The following PIGN variants were observed in gnomAD, a reference collection of about 807,000 sequenced individuals.
PIGN encodes the protein GPI ethanolamine phosphate transferase 1.
In PIGN, 117 loss-of-function variants were observed where a neutral mutation model predicts 125.4. The ratio of observed to expected loss-of-function variants is 0.93; its 90% CI spans 0.80 to 1.09. The LOEUF (loss-of-function observed/expected upper bound fraction) is 1.09, where lower values mean the gene tolerates loss of function less well. Among genes scored for constraint, PIGN ranks in the 50% least tolerant of loss-of-function variants. PIGN has a pLI of 0.00. For missense variants in PIGN, 1,075 were observed against 1,094.9 expected (o/e 0.98, Z 0.26); for synonymous variants, 392 against 377.8 (o/e 1.04, Z -0.44).
intron 11 of PIGN, among the ~76,000 whole-genome samples, chr18:62,141,854 T>C (rs958566905): frequency 1.3e-5 from 2 of 152,194 alleles, no homozygotes; most frequent in Non-Finnish European, 2.9e-5. Flanking sequence ...TATTGCTATA[T>C]AACAGCTTTC....
downstream of PIGN, among the ~76,000 whole-genome samples, chr18:62,039,186 T>A (rs1314598343): frequency 6.6e-6 from 1 of 151,988 alleles, no homozygotes; most frequent in Non-Finnish European, 1.5e-5. Context: ...GTAAAAATTT[T>A]AAAAACATAA....
intron 23 of PIGN, among the ~76,000 whole-genome samples, chr18:62,092,170 A>G (rs1409038612): frequency 6.6e-6 from 1 of 152,190 alleles, no homozygotes; most frequent in Admixed American, 6.5e-5. Flanking sequence ...ACCTACACAC[A>G]TGAGAAAATA....
At chr18:62,084,879 G>A (rs1049056148) in intron 26 of PIGN, among the ~76,000 whole-genome samples, 62 of 152,086 alleles carry the variant, frequency 4.1e-4, no homozygotes, top group African/African-American at 1.4e-3. Context: ...AGGCTGAGGC[G>A]GGTGGATCAC....
At chr18:62,088,537 T>A (rs1319958139) in intron 25 of PIGN, 1 of 273,520 alleles carries the variant, frequency 3.7e-6, no homozygotes, top group African/African-American at 2.2e-5. Flanking sequence ...GGCTAATATC[T>A]GAATAGCAGG....
intron 30 of PIGN, chr18:62,056,948 G>C (rs766258382): frequency 2.6e-5 from 4 of 152,166 alleles, no homozygotes; most frequent in Non-Finnish European, 5.9e-5. Context: ...AAAATATAAC[G>C]AATGCCTGAT....
In PIGN at chr18:62,102,734, C is replaced by A. The variant is rs928178719; in HGVS notation, c.1968+60G>T. 5 of 751,052 alleles carry A rather than the reference C, an allele frequency of 6.7e-6. No homozygotes were observed. The African/African-American group carries it at 9.2e-5, about 14-fold the overall frequency. 46.5% of individuals were successfully genotyped at this position (751,052 alleles called of 1,614,324 possible). A position where few individuals can be genotyped will look rare whatever the true frequency, so the allele number is the denominator to read the frequency against. ...ATTTTATGAACATAATTAAATATAA[C>A]CATAAGACACATTTCAGTATATCAT... is the stretch of plus-strand genomic sequence containing the variant. On this transcript the variant is annotated intron_variant, in intron 21 of 30. Coordinates refer to ENST00000640252, the MANE Select transcript of PIGN (RefSeq NM_176787.5).
At chr18:62,154,493 T>C in intron 7 of PIGN, 52 bp downstream of exon 7, 1 of 846,346 alleles carries the variant, frequency 1.2e-6, no homozygotes, top group Non-Finnish European at 2.0e-6. Flanking sequence ...CAGTCTCCAA[T>C]ACTTCAGGTA....
downstream of PIGN, among the ~76,000 whole-genome samples, chr18:62,037,827 C>T (rs1254401414): frequency 1.3e-5 from 2 of 152,196 alleles, no homozygotes; most frequent in South Asian, 2.1e-4. Context: ...AGACCAGGCT[C>T]GCTGAGGTCT....
intron 1 of PIGN, among the ~76,000 whole-genome samples, chr18:62,170,522 G>A (rs2037313494): frequency 6.6e-6 from 1 of 152,290 alleles, no homozygotes; most frequent in South Asian, 2.1e-4. Context: ...CTTAATAAAT[G>A]TGTGTGTTCT....
intron 17 of PIGN, among the ~76,000 whole-genome samples, chr18:62,107,817 T>C (rs1454265342): frequency 6.6e-6 from 1 of 152,092 alleles, no homozygotes; most frequent in Non-Finnish European, 1.5e-5. Flanking sequence ...AAAGGTAGGG[T>C]TTCCTAATCT....
At chr18:62,111,857 C>T (rs1472047046) in intron 16 of PIGN, among the ~76,000 whole-genome samples, 1 of 152,106 alleles carries the variant, frequency 6.6e-6, no homozygotes, top group African/African-American at 2.4e-5. Context: ...ACCATACACT[C>T]AATTAAATAT....
At chr18:62,120,094 T>C (rs986519185) in intron 14 of PIGN, among the ~76,000 whole-genome samples, 1 of 151,984 alleles carries the variant, frequency 6.6e-6, no homozygotes, top group Non-Finnish European at 1.5e-5. Context: ...AATCCACAGA[T>C]TTAAGAACAT....
chr18:62,161,150 A>G lies in PIGN; in HGVS notation c.204T>C (p.Ser68=). The change falls in exon 4 of 31, where the codon TCT becomes TCC. Residue 68 remains serine (S), a synonymous_variant. Transcript: ENST00000640252. ...ALYELDENGN[S]RAPFIRNIIM... is the part of the protein sequence containing the mutation. ...ATGCTTACCTAATAAACGGTGCTCT[A>G]GAGTTTCCATTTTCATCTAATTCGT... is the stretch of plus-strand genomic sequence containing the variant. 6.2e-7 allele frequency: 1 copy of G among 1,611,064 alleles called. No individual in the cohort carries two copies.
At chr18:62,088,906 C>T in intron 24 of PIGN, 64 bp from the exon 25 acceptor site, 7 of 896,932 alleles carry the variant, frequency 7.8e-6, no homozygotes, top group Non-Finnish European at 8.9e-6. Flanking sequence ...TATTTGAAGG[C>T]AAACTTACAA....
chr18:62,165,823 T>C (rs1416675770), intron 1 of PIGN, among the ~76,000 whole-genome samples: 1 of 152,162 alleles, frequency 6.6e-6, no homozygotes, highest in African/African-American at 2.4e-5. Context: ...ATCTAGGAGC[T>C]TGGAGTTCTT....
intron 27 of PIGN, among the ~76,000 whole-genome samples, chr18:62,083,650 G>T (rs1371176442): frequency 6.6e-6 from 1 of 151,812 alleles, no homozygotes; most frequent in East Asian, 1.9e-4. Flanking sequence ...TTGCTTGCTT[G>T]TTTTTAATTA....
chr18:62,139,311 G>A (rs926961885), intron 12 of PIGN, among the ~76,000 whole-genome samples: 1 of 152,200 alleles, frequency 6.6e-6, no homozygotes, highest in African/African-American at 2.4e-5. Context: ...GTAACACCTG[G>A]CATTGGCTGA....
intron 19 of PIGN, among the ~76,000 whole-genome samples, chr18:62,106,392 A>C (rs1198353683): frequency 6.6e-6 from 1 of 151,284 alleles, no homozygotes; most frequent in African/African-American, 2.4e-5. Flanking sequence ...AAAAAAAAAA[A>C]CTGAGTGGCT....
intron 23 of PIGN, among the ~76,000 whole-genome samples, chr18:62,028,673 A>C (rs2030156763): frequency 6.6e-6 from 1 of 152,234 alleles, no homozygotes; most frequent in Non-Finnish European, 1.5e-5. Flanking sequence ...ATTTTCACGT[A>C]GATCCAAGTC....
Sources: gnomAD v4.1 joint callset for allele counts (sites outside exome capture counted in the v4.1 genomes callset) on GRCh38, gnomAD v4.1.1 for gene constraint, MANE v1.5 for transcripts, NCBI Gene and HGNC (gene_info 2026-07-23, HGNC 2026-07-21) for gene names.